The following FANK1 variants were observed in gnomAD, a reference collection of about 807,000 sequenced individuals.
FANK1 encodes the protein fibronectin type 3 and ankyrin repeat domains protein 1.
In FANK1, 44 loss-of-function variants were observed where a neutral mutation model predicts 45.3. The ratio of observed to expected loss-of-function variants is 0.97; its 90% confidence interval spans 0.76 to 1.25. The LOEUF (loss-of-function observed/expected upper bound fraction) is 1.25. Among genes scored for constraint, FANK1 ranks in the 50% most tolerant of loss-of-function variants. The pLI, the probability that FANK1 is intolerant of heterozygous loss-of-function variation, is 0.00. For synonymous variants in FANK1, 149 were observed against 152.5 expected, an observed-to-expected ratio of 0.98 and a Z score of 0.17; for missense variants, 391 against 424.4, an observed-to-expected ratio of 0.92 and a Z score of 0.69.
intron 1 of FANK1, among the ~76,000 whole-genome samples, chr10:125,914,421 C>CAT (rs1946287071): frequency 6.6e-6 from 1 of 152,006 alleles, no homozygotes; most frequent in Non-Finnish European, 1.5e-5. Context: ...AGGGAGGACA[C>CAT]ATGACAGTCA....
intron 1 of FANK1, among the ~76,000 whole-genome samples, chr10:125,917,079 T>C (rs1029005581): frequency 1.3e-5 from 2 of 152,260 alleles, no homozygotes; most frequent in Non-Finnish European, 2.9e-5. Context: ...GCCATTCTTT[T>C]GGGCTGAGCT....
At chr10:125,928,841 GAATTCTTATA>G (rs1947558432) in intron 1 of FANK1, among the ~76,000 whole-genome samples, 1 of 152,100 alleles carries the variant, frequency 6.6e-6, no homozygotes. Flanking sequence ...TGATTTGTAG[GAATTCTTATA>G]TTATGGACCA....
At chr10:125,926,529 T>G (rs1294712505) in intron 1 of FANK1, among the ~76,000 whole-genome samples, 1 of 152,300 alleles carries the variant, frequency 6.6e-6, no homozygotes, top group Non-Finnish European at 1.5e-5. Context: ...CAAGAACACA[T>G]GTAAATGAAA....
intron 1 of FANK1, among the ~76,000 whole-genome samples, chr10:125,954,221 C>G (rs1261373362): frequency 6.6e-6 from 1 of 152,100 alleles, no homozygotes; most frequent in Non-Finnish European, 1.5e-5. Context: ...GAGCGGGTAG[C>G]AGATGTGGGC....
chr10:126,006,051 G>A (rs937540747), intron 7 of FANK1, among the ~76,000 whole-genome samples: 1 of 152,214 alleles, frequency 6.6e-6, no homozygotes, highest in African/African-American at 2.4e-5. Flanking sequence ...TCAAGACTTT[G>A]AAGAAATTAG....
chr10:126,003,097 C>A (rs1161856938), intron 6 of FANK1, among the ~76,000 whole-genome samples: 1 of 132,042 alleles, frequency 7.6e-6, no homozygotes, highest in African/African-American at 2.7e-5. Flanking sequence ...CTAGACCAGT[C>A]CTCTCTTTAA....
intron 1 of FANK1, among the ~76,000 whole-genome samples, chr10:125,912,439 C>T (rs199806096): frequency 7.3e-6 from 1 of 137,316 alleles, no homozygotes; most frequent in African/African-American, 2.9e-5. Context: ...ATTGGCACCA[C>T]CAAAGTGTGT....
chr10:125,963,909 T>G (rs1348429640), intron 1 of FANK1, among the ~76,000 whole-genome samples: 1 of 152,032 alleles, frequency 6.6e-6, no homozygotes. Context: ...AAAAAACATT[T>G]TAAGATAATT....
chr10:125,966,878 A>G (rs1490025973), intron 1 of FANK1, among the ~76,000 whole-genome samples: 2 of 152,204 alleles, frequency 1.3e-5, no homozygotes, highest in Non-Finnish European at 2.9e-5. Context: ...CCAGCTTAAA[A>G]TAATACCAAA....
At chr10:125,922,098 A>G (rs1340606152) in intron 1 of FANK1, among the ~76,000 whole-genome samples, 2 of 152,154 alleles carry the variant, frequency 1.3e-5, no homozygotes, top group Non-Finnish European at 2.9e-5. Flanking sequence ...CTGTAAGCAC[A>G]TATTTTGATA....
At chr10:125,947,276 A>T (rs79980744) in intron 1 of FANK1, among the ~76,000 whole-genome samples, 32,150 of 149,164 alleles carry the variant, frequency 0.22, 3,982 homozygotes, top group East Asian at 0.35. Context: ...TTAACTTTAA[A>T]TGTAAATGGA....
chr10:125,939,645 A>G (rs970133986), intron 1 of FANK1, among the ~76,000 whole-genome samples: 1 of 152,134 alleles, frequency 6.6e-6, no homozygotes, highest in Non-Finnish European at 1.5e-5. Flanking sequence ...TAAGGATACT[A>G]ATTTACCATT....
chr10:125,986,456 A>C (rs1431909886), intron 2 of FANK1, among the ~76,000 whole-genome samples: 2 of 152,194 alleles, frequency 1.3e-5, no homozygotes, highest in South Asian at 4.1e-4. Flanking sequence ...TCAGTTTTCA[A>C]AAAAAGGTTC....
At chr10:125,908,060 G>A (rs369046510) in intron 1 of FANK1, among the ~76,000 whole-genome samples, 5 of 148,902 alleles carry the variant, frequency 3.4e-5, no homozygotes, top group Admixed American at 6.7e-5. Context: ...GCAGTGGTGC[G>A]CTCTCGGCTC....
Position 125,906,515 on chromosome 10 carries a change from C to CAAAAAAAA in FANK1, c.13+9882_13+9889dup, listed in dbSNP as rs34132526. The stretch of plus-strand genomic sequence containing the variant: ...TTGGGGACAGAGCAAGACTCTGTCT[C>CAAAAAAAA]AAAAAAAAAAAAAAAAAAAAAAAAA... On this transcript the variant is annotated intron_variant, in intron 1 of 10. Coordinates refer to ENST00000368693, the MANE Select transcript of FANK1 (RefSeq NM_145235.5). 4.4e-3 allele frequency among the ~76,000 whole-genome samples: 202 copies of CAAAAAAAA among 46,418 alleles called. 5 individuals are homozygous for CAAAAAAAA. The highest frequency in any genetic ancestry group is 0.014 in the African/African-American group (189 of 13,426). 30.5% of individuals were successfully genotyped at this position (46,418 alleles called of 152,430 possible).
At chr10:125,901,385 T>G (rs1407309709) in intron 1 of FANK1, among the ~76,000 whole-genome samples, 3 of 152,326 alleles carry the variant, frequency 2.0e-5, no homozygotes, top group Admixed American at 2.0e-4. Flanking sequence ...GCCGTGTAAG[T>G]TATGATTGTG....
chr10:125,949,333 C>A (rs1036871393), intron 1 of FANK1, among the ~76,000 whole-genome samples: 1 of 151,742 alleles, frequency 6.6e-6, no homozygotes, highest in Admixed American at 6.6e-5. Context: ...CAAATTGTCC[C>A]TGTTTGCAGA....
At chr10:125,935,099 C>T (rs1215955780) in intron 1 of FANK1, among the ~76,000 whole-genome samples, 1 of 150,742 alleles carries the variant, frequency 6.6e-6, no homozygotes, top group Non-Finnish European at 1.5e-5. Context: ...CAGACATCTC[C>T]TCCTACTCTG....
At chr10:125,928,591 C>T (rs1295311920) in intron 1 of FANK1, among the ~76,000 whole-genome samples, 1 of 152,112 alleles carries the variant, frequency 6.6e-6, no homozygotes, top group African/African-American at 2.4e-5. Context: ...TTTTTCAAAC[C>T]CCTCTGACAC....
Sources: allele counts gnomAD v4.1 joint callset (sites outside exome capture counted in the v4.1 genomes callset), GRCh38; gene constraint gnomAD v4.1.1; transcripts MANE v1.5; gene names NCBI Gene and HGNC (gene_info 2026-07-23, HGNC 2026-07-21).